The following STPG2 variants were observed in gnomAD, a reference collection of about 807,000 sequenced individuals.
STPG2 encodes the protein sperm-tail PG-rich repeat-containing protein 2.
Under a neutral mutation model 54.2 loss-of-function variants are expected in STPG2, and 56 were observed. The observed-to-expected ratio is 1.03, with a 90% confidence interval of 0.83 to 1.29. STPG2 has a LOEUF of 1.29. STPG2 is among the 50% of genes most tolerant of loss of function. The pLI is 0.00. For synonymous variants in STPG2, 200 were observed against 181.8 expected (o/e 1.10, Z -0.81); for missense variants, 596 against 544.9 (o/e 1.09, Z -0.93).
chr4:97,958,482 G>C (rs1052389940), intron 7 of STPG2, among the ~76,000 whole-genome samples: 2 of 152,088 alleles, frequency 1.3e-5, no homozygotes, highest in Non-Finnish European at 2.9e-5. Flanking sequence ...AGCAGTCTCT[G>C]CTCCATTCAG....
At chr4:97,868,182 T>C (rs1050503553) in intron 8 of STPG2, among the ~76,000 whole-genome samples, 9 of 152,004 alleles carry the variant, frequency 5.9e-5, no homozygotes, top group African/African-American at 2.2e-4. Flanking sequence ...CTTTTATTTA[T>C]GCCTTTAGCC....
intron 10 of STPG2, among the ~76,000 whole-genome samples, chr4:97,657,937 G>C (rs1383563420): frequency 6.6e-6 from 1 of 152,224 alleles, no homozygotes; most frequent in South Asian, 2.1e-4. Context: ...GCTGAAGACT[G>C]TGTGAGAAAC....
chr4:97,729,040 A>C (rs921612812), intron 9 of STPG2, among the ~76,000 whole-genome samples: 11 of 133,044 alleles, frequency 8.3e-5, no homozygotes, highest in African/African-American at 1.9e-4. Flanking sequence ...TTTTCATTCC[A>C]CTGATGACAA....
At chr4:97,747,150 A>G (rs1247414379) in intron 9 of STPG2, among the ~76,000 whole-genome samples, 1 of 151,388 alleles carries the variant, frequency 6.6e-6, no homozygotes, top group African/African-American at 2.4e-5. Context: ...TAATCTCTAT[A>G]GTGGAGACAG....
chr4:97,529,967 A>G (rs985975742), intron 4 of STPG2, among the ~76,000 whole-genome samples: 1 of 152,012 alleles, frequency 6.6e-6, no homozygotes, highest in Non-Finnish European at 1.5e-5. Flanking sequence ...TACTTCTATT[A>G]TTTATTTTTC....
Position 98,041,270 on chromosome 4 carries a change from G to A in STPG2, c.613-59952C>T, listed in dbSNP as rs1161248430. 2.0e-5 allele frequency among the ~76,000 whole-genome samples: 3 copies of A among 151,800 alleles called. 1 individual carries two copies. Among genetic ancestry groups the A allele is most frequent in the Non-Finnish European group, 4.4e-5 (3 of 67,800 alleles). ...GTTTTCTACACACAATTTCATATCA[G>A]CAACCAGAGATAATTTGAAATCCTC... is the stretch of plus-strand genomic sequence containing the variant. On this transcript the variant is annotated intron_variant, in intron 5 of 10. Transcript: ENST00000295268.
chr4:97,498,123 T>C (rs541389182), intron 4 of STPG2, among the ~76,000 whole-genome samples: 68 of 152,000 alleles, frequency 4.5e-4, no homozygotes, highest in Non-Finnish European at 7.1e-4. Context: ...GTTTTGTAAA[T>C]TGAAGAATTT....
chr4:97,477,293 T>G (rs1299384340), intron 4 of STPG2, among the ~76,000 whole-genome samples: 1 of 152,200 alleles, frequency 6.6e-6, no homozygotes, highest in Non-Finnish European at 1.5e-5. Context: ...TGACAATTTA[T>G]CATTTCGTAT....
At chr4:97,858,768 G>A (rs540665128) in intron 8 of STPG2, among the ~76,000 whole-genome samples, 15 of 152,136 alleles carry the variant, frequency 9.9e-5, no homozygotes, top group East Asian at 3.9e-4. Flanking sequence ...CATGGTGTAC[G>A]TATACCACAT....
intron 9 of STPG2, among the ~76,000 whole-genome samples, chr4:97,736,987 C>T (rs371076121): frequency 1.3e-3 from 204 of 152,274 alleles, no homozygotes; most frequent in South Asian, 6.4e-3. Flanking sequence ...ACACCTCACA[C>T]GGCCGGGTAC....
chr4:97,572,887 A>G (rs1732635536), intron 10 of STPG2, among the ~76,000 whole-genome samples: 1 of 152,168 alleles, frequency 6.6e-6, no homozygotes, highest in South Asian at 2.1e-4. Flanking sequence ...AATAAATTTT[A>G]CCTACTATTA....
At chr4:97,745,193 A>G (rs2149040844) in intron 9 of STPG2, among the ~76,000 whole-genome samples, 1 of 150,786 alleles carries the variant, frequency 6.6e-6, no homozygotes, top group East Asian at 1.9e-4. Flanking sequence ...AACTACTTTC[A>G]GTCAAATTTA....
At chr4:97,575,402 A>G (rs1326519695) in intron 10 of STPG2, among the ~76,000 whole-genome samples, 1 of 152,166 alleles carries the variant, frequency 6.6e-6, no homozygotes, top group Non-Finnish European at 1.5e-5. Flanking sequence ...ATCCAGCAGC[A>G]CATCAAAAAG....
At chr4:97,637,317 A>T (rs1175769687) in intron 10 of STPG2, among the ~76,000 whole-genome samples, 1 of 152,250 alleles carries the variant, frequency 6.6e-6, no homozygotes, top group East Asian at 1.9e-4. Context: ...AACTCTCAGT[A>T]AATTAAGTAT....
intron 5 of STPG2, among the ~76,000 whole-genome samples, chr4:98,009,340 G>C (rs1451046446): frequency 6.8e-6 from 1 of 147,336 alleles, no homozygotes; most frequent in Admixed American, 6.8e-5. Context: ...TCTTTGGCCT[G>C]TTAGTTGTTC....
At chr4:97,499,453 C>A (rs1405694638) in intron 4 of STPG2, among the ~76,000 whole-genome samples, 3 of 151,932 alleles carry the variant, frequency 2.0e-5, no homozygotes, top group Admixed American at 2.0e-4. Context: ...AGACAAAAAT[C>A]TCTAGTTTTA....
At chr4:98,090,556 C>T (rs11097609) in intron 5 of STPG2, among the ~76,000 whole-genome samples, 60,048 of 151,550 alleles carry the variant, frequency 0.4, 12,106 homozygotes, top group Middle Eastern at 0.46. Flanking sequence ...TTTTGTTCCA[C>T]ATGGATTTCA....
intron 5 of STPG2, among the ~76,000 whole-genome samples, chr4:98,018,942 C>T (rs1473342627): frequency 3.3e-5 from 5 of 151,626 alleles, no homozygotes; most frequent in African/African-American, 7.3e-5. Context: ...GAGTAGGTTG[C>T]GAAAATTTTC....
chr4:97,671,010 CTT>C lies in STPG2; in HGVS notation c.1320+41687_1320+41688del, dbSNP rs574356232. Among the ~76,000 whole-genome samples the C allele has an allele frequency of 1.4e-3, 215 of 152,308 alleles. 2 individuals carry two copies. The highest frequency in any genetic ancestry group is 2.6e-3 in the Admixed American group (40 of 15,298). On this transcript the variant is annotated intron_variant, in intron 10 of 10. Coordinates refer to ENST00000295268, the MANE Select transcript of STPG2 (RefSeq NM_174952.3). ...CTTCTGCTACCTCCCACCTCCCTGA[CTT>C]TTGTTCTCCATGACAGTGAATGTGA...
Sources: allele counts gnomAD v4.1 joint callset (sites outside exome capture counted in the v4.1 genomes callset), GRCh38; gene constraint gnomAD v4.1.1; transcripts MANE v1.5; gene names NCBI Gene and HGNC (gene_info 2026-07-23, HGNC 2026-07-21).